Variants in MYADML2 observed in about 807,000 individuals in gnomAD.
MYADML2 encodes myeloid-associated differentiation marker-like protein 2.
Under a neutral mutation model 16.0 loss-of-function variants are expected in MYADML2, and 17 were observed. The observed-to-expected ratio is 1.06, with a 90% confidence interval of 0.73 to 1.60. The LOEUF (loss-of-function observed/expected upper bound fraction) is 1.60, where lower values mean the gene tolerates loss of function less well. MYADML2 is among the 40% of genes most tolerant of loss of function. The pLI is 0.00. For synonymous variants in MYADML2, 210 were observed against 208.1 expected, an observed-to-expected ratio of 1.01 and a Z score of -0.08; for missense variants, 422 against 437.7, an observed-to-expected ratio of 0.96 and a Z score of 0.32.
Position 81,941,313 on chromosome 17 carries a change from A to G in MYADML2, c.429T>C (p.Ala143=). The change falls in exon 3 of 3, where the codon GCT becomes GCC. Residue 143 remains alanine (A), a synonymous_variant. Transcript: ENST00000409745. ...VFAGLLFLAY[A]VEVALTRARP... is the part of the protein sequence containing the mutation. ...GGGCCCGCGTCAGGGCCACCTCCACAGCGTAGGCCAGGAAGAGGAGCCCGG... is the reference window on the plus strand; with the variant it reads ...GGGCCCGCGTCAGGGCCACCTCCACGGCGTAGGCCAGGAAGAGGAGCCCGG... 6.5e-7 allele frequency: 1 copy of G among 1,549,678 alleles called. No homozygotes were observed. Among genetic ancestry groups the G allele is most frequent in the Non-Finnish European group, 8.7e-7 (1 of 1,146,664 alleles).
At chr17:81,946,622 T>C (rs948048892) in intron 1 of MYADML2, among the ~76,000 whole-genome samples, 1 of 151,678 alleles carries the variant, frequency 6.6e-6, no homozygotes, top group Non-Finnish European at 1.5e-5. Flanking sequence ...CACTCCAGCC[T>C]GGGCAACAGA....
At position 81,939,920 on chromosome 17, in the gene MYADML2, C is replaced by G. The variant is rs184100952; in HGVS notation, c.*898G>C. ...TCCAGCGGCCGCCCTCAGCCGGGCT[C>G]CCTCCCAGTGCCACAGATGCCCACA... On this transcript the variant is annotated 3_prime_UTR_variant, in exon 3 of 3. Transcript: ENST00000409745. The G allele has an allele frequency of 1.3e-5, 2 of 152,338 alleles. No homozygotes were observed. Among genetic ancestry groups the G allele is most frequent in the Non-Finnish European group, 2.9e-5 (2 of 68,134 alleles). The allele number at this position is 152,338 out of a possible 1,614,324, so 9.4% of individuals were successfully genotyped here.
chr17:81,941,736 G>A lies in MYADML2; in HGVS notation c.6C>T (p.Gly2=), dbSNP rs1295527694. 2.0e-6 allele frequency: 3 copies of A among 1,506,406 alleles called. No homozygotes were observed. Among genetic ancestry groups the A allele is most frequent in the Non-Finnish European group, 2.7e-6 (3 of 1,123,374 alleles). 93.3% of individuals were successfully genotyped at this position (1,506,406 alleles called of 1,614,324 possible). The change falls in exon 3 of 3, where the codon GGC becomes GGT. Residue 2 remains glycine, a synonymous_variant. Transcript: ENST00000409745. The stretch of plus-strand genomic sequence containing the variant: ...CACCCCCAGGGGGCTCCATGGTGCT[G>A]CCCATCTGGCCAGCCACGTTTCCAG... The part of the protein sequence containing the change: M[G]STMEPPGGAY...
intron 1 of MYADML2, among the ~76,000 whole-genome samples, chr17:81,946,462 CGT>C (rs1567934780): frequency 3.3e-5 from 5 of 151,558 alleles, no homozygotes; most frequent in Admixed American, 2.0e-4. Context: ...TCCTGGCCAA[CGT>C]GGTGAAACCC....
At chr17:81,944,505 T>A (rs139761422) in intron 1 of MYADML2, among the ~76,000 whole-genome samples, 14 of 152,332 alleles carry the variant, frequency 9.2e-5, no homozygotes, top group African/African-American at 1.9e-4. Flanking sequence ...TCTTTTATTG[T>A]GGTATTTGGT....
Position 81,940,910 on chromosome 17 carries a change from G to T in MYADML2, c.832C>A (p.Leu278Met). ...ACGTAGGTGAAGATGGCCACCACCAGCTGGCTGTCCCAGGGACAGCTGCCC... is the reference window on the plus strand; with the variant it reads ...ACGTAGGTGAAGATGGCCACCACCATCTGGCTGTCCCAGGGACAGCTGCCC... ...ARGSCPWDSQ[L>M]VVAIFTYVNL... The change falls in exon 3 of 3, where the codon CTG (leucine) becomes ATG (methionine). Residue 278 changes from leucine (L) to methionine (M), a missense_variant. By Grantham distance (15) the Leu-to-Met change is conservative. Transcript: ENST00000409745. 6.5e-7 allele frequency: 1 copy of T among 1,548,406 alleles called. No homozygotes were observed. Among genetic ancestry groups the T allele is most frequent in the East Asian group, 2.4e-5 (1 of 40,870 alleles).
chr17:81,947,072 T>G lies in MYADML2; in HGVS notation c.-194A>C, dbSNP rs1228227484. On this transcript the variant is annotated 5_prime_UTR_variant, in exon 1 of 3. Transcript: ENST00000409745. Reference sequence around the variant, plus strand: ...GAATTTACATACCAGGTGTTATAAGTAATCAAGAGGTGATTTAAGTCCAGA... The same window carrying G: ...GAATTTACATACCAGGTGTTATAAGGAATCAAGAGGTGATTTAAGTCCAGA... 6.6e-6 allele frequency: 1 copy of G among 152,248 alleles called. No individual in the cohort carries two copies. The highest frequency in any genetic ancestry group is 1.5e-5 in the Non-Finnish European group (1 of 68,042). The allele number at this position is 152,248 out of a possible 1,614,324, so 9.4% of individuals were successfully genotyped here. A position where few individuals can be genotyped will look rare whatever the true frequency, so the allele number is the denominator to read the frequency against.
rs1475821258 is a variant in MYADML2 at position 81,941,059 on chromosome 17, T to G, written c.683A>C (p.Asp228Ala). 6.5e-7 allele frequency: 1 copy of G among 1,550,218 alleles called. No individual in the cohort carries two copies. The change falls in exon 3 of 3, where the codon GAC becomes GCC. Residue 228 changes from aspartate to alanine, a missense_variant. Coordinates refer to ENST00000409745, the MANE Select transcript of MYADML2 (RefSeq NM_001145113.3). ...GAAGGTGTACACCACCACCAGCCGG[T>G]CAAAGGGGCAGCCCAGGCCCCCTGT... ...GHTGGLGCPFDRLVVVYTFLA... is the reference protein window; with the variant it reads ...GHTGGLGCPFARLVVVYTFLA...
At position 81,941,713 on chromosome 17, in the gene MYADML2, C is replaced by A. The variant is rs531836777; in HGVS notation, c.29G>T (p.Gly10Val). Residue 10 changes from glycine (G) to valine (V), a missense_variant, in exon 3 of 3, where the codon GGT becomes GTT. Transcript: ENST00000409745. Reference protein sequence around the residue: MGSTMEPPGGAYLHLGAVTS... With the variant: MGSTMEPPGVAYLHLGAVTS... ...CACGGCGCCCAGGTGCAGGTACGCACCCCCAGGGGGCTCCATGGTGCTGCC... is the reference window on the plus strand; with the variant it reads ...CACGGCGCCCAGGTGCAGGTACGCAACCCCAGGGGGCTCCATGGTGCTGCC... The A allele has an allele frequency of 2.6e-6, 4 of 1,533,214 alleles. No individual in the cohort carries two copies. The highest frequency in any genetic ancestry group is 2.0e-5 in the Admixed American group (1 of 49,428). The allele number at this position is 1,533,214 out of a possible 1,614,324, so 95.0% of individuals were successfully genotyped here. A position where few individuals can be genotyped will look rare whatever the true frequency, so the allele number is the denominator to read the frequency against.
rs1029653298 is a variant in MYADML2, at chr17:81,941,442, C to T, written c.300G>A (p.Ala100=). The T allele has an allele frequency of 9.9e-5, 154 of 1,549,336 alleles. No homozygotes were observed. The highest frequency in any genetic ancestry group is 1.3e-4 in the Non-Finnish European group (150 of 1,146,664). Residue 100 remains alanine, a synonymous_variant, in exon 3 of 3, where the codon GCG becomes GCA. Transcript: ENST00000409745. ...ACAGCGGATACAGGACCGCAGCCGT[C>T]GCGCATAGCAGGGTGGCCAGCATGG... is the stretch of plus-strand genomic sequence containing the variant. The part of the protein sequence containing the change: ...AFAMLATLLC[A]TAAVLYPLYF...
Position 81,940,788 on chromosome 17 carries a change from G to A in MYADML2, c.*30C>T, listed in dbSNP as rs1441152627. On this transcript the variant is annotated 3_prime_UTR_variant, in exon 3 of 3. Transcript: ENST00000409745. The stretch of plus-strand genomic sequence containing the variant: ...GCAGAGCCTGGAGCTGGTGGCCAGA[G>A]AGCAGAGGTGGGTGGGCTGCCACTG... 1.4e-6 allele frequency: 2 copies of A among 1,477,448 alleles called. No individual in the cohort carries two copies. The allele number at this position is 1,477,448 out of a possible 1,614,324, so 91.5% of individuals were successfully genotyped here.
intron 1 of MYADML2, 87 bp downstream of exon 1, chr17:81,946,972 A>G (rs1449378740): frequency 1.6e-5 from 2 of 124,814 alleles, no homozygotes; most frequent in East Asian, 4.1e-4. Context: ...GGGAGACTCC[A>G]TCTCAAAATA....
chr17:81,945,014 C>T (rs927104725), intron 1 of MYADML2, among the ~76,000 whole-genome samples: 1 of 152,100 alleles, frequency 6.6e-6, no homozygotes, highest in Non-Finnish European at 1.5e-5. Context: ...GCCTGTCATC[C>T]CAGCGCTTTG....
In MYADML2 at chr17:81,941,475, G is replaced by A. The variant is rs569101786; in HGVS notation, c.267C>T (p.Ala89=). The change falls in exon 3 of 3, where the codon GCC becomes GCT. Residue 89 remains alanine (A), a synonymous_variant. Transcript: ENST00000409745. ...GCAGGGTGGCCAGCATGGCGAAGGC[G>A]GCGGTGAAGTTGCCCCAGGAGAGCC... is the stretch of plus-strand genomic sequence containing the variant. ...CLRLSWGNFT[A]AFAMLATLLC... 1.8e-4 allele frequency: 280 copies of A among 1,548,930 alleles called. No homozygotes were observed. In the African/African-American group the frequency reaches 2.4e-3, roughly 13 times the overall value.
At chr17:81,946,376 C>G (rs555874180) in intron 1 of MYADML2, among the ~76,000 whole-genome samples, 39 of 149,548 alleles carry the variant, frequency 2.6e-4, no homozygotes, top group Non-Finnish European at 4.7e-4. Context: ...AGGCCGGGCG[C>G]GGTGGCTCAT....
At chr17:81,944,399 AAAAG>A (rs1281646438) in intron 1 of MYADML2, among the ~76,000 whole-genome samples, 3 of 152,042 alleles carry the variant, frequency 2.0e-5, no homozygotes, top group Admixed American at 2.0e-4. Flanking sequence ...TCAAAAAAAA[AAAAG>A]AAAGAAAAAG....
In MYADML2 at chr17:81,942,793, C is replaced by T. The variant is rs538749969; in HGVS notation, c.-180-420G>A. 3.9e-5 allele frequency among the ~76,000 whole-genome samples: 6 copies of T among 152,152 alleles called. 1 individual carries two copies. Among genetic ancestry groups the T allele is most frequent in the African/African-American group, 1.4e-4 (6 of 41,530 alleles). On this transcript the variant is annotated intron_variant, in intron 1 of 2. Coordinates refer to ENST00000409745, the MANE Select transcript of MYADML2 (RefSeq NM_001145113.3). The surrounding 1 kb of genome is among the most constrained non-coding windows in gnomAD (Gnocchi z 4.4). ...GTCTTGATCTCTTGACCTCATGATC[C>T]GCCTGCCTCGGCCTCCCAAAGTGCT... is the stretch of plus-strand genomic sequence containing the variant.
At chr17:81,943,893 C>T (rs1052841932) in intron 1 of MYADML2, among the ~76,000 whole-genome samples, 4 of 150,070 alleles carry the variant, frequency 2.7e-5, no homozygotes, top group Non-Finnish European at 4.4e-5. Flanking sequence ...GGATGGATCA[C>T]GAGGTCAGGA....
In MYADML2 at chr17:81,941,626, A is replaced by G; in HGVS notation, c.116T>C (p.Leu39Pro). The change falls in exon 3 of 3, where the codon CTG (leucine) becomes CCG (proline). Residue 39 changes from leucine (L) to proline (P), a missense_variant. By Grantham distance (98) the Leu-to-Pro change is moderately conservative (BLOSUM62 -3). Coordinates refer to ENST00000409745, the MANE Select transcript of MYADML2 (RefSeq NM_001145113.3). ...QLAFGCTTFS[L>P]VAHRGGFAGV... ...CGCAAAGCCACCCCGGTGGGCCACC[A>G]GGCTGAAGGTAGTGCAGCCAAAGGC... 10 of 1,549,284 alleles carry G rather than the reference A, an allele frequency of 6.5e-6. No individual in the cohort carries two copies. Among genetic ancestry groups the G allele is most frequent in the Non-Finnish European group, 8.7e-6 (10 of 1,146,828 alleles).
Sources: gnomAD v4.1 joint callset for allele counts (sites outside exome capture counted in the v4.1 genomes callset) on GRCh38, gnomAD v4.1.1 for gene constraint, Gnocchi (gnomAD v3.1) non-coding constraint, MANE v1.5 for transcripts, NCBI Gene and HGNC (gene_info 2026-07-23, HGNC 2026-07-21) for gene names.